The following BLTP1 variants were observed in gnomAD, a reference collection of about 807,000 sequenced individuals.
BLTP1 encodes the protein bridge-like lipid transfer protein family member 1.
the BLTP1 span, among the ~76,000 whole-genome samples, chr4:122,290,679 C>T: frequency 1.0e-4 from 15 of 143,526 alleles, no homozygotes; most frequent in East Asian, 1.7e-3. Flanking sequence ...CCCAGCTACT[C>T]GGGAGGCTGA....
chr4:122,294,124 C>T, the BLTP1 span, among the ~76,000 whole-genome samples: 1 of 152,164 alleles, frequency 6.6e-6, no homozygotes, highest in Non-Finnish European at 1.5e-5. Flanking sequence ...TGATCTCTCC[C>T]TGGGGGGTGG....
At chr4:122,237,233 T>G in the BLTP1 span, 1 of 985,430 alleles carries the variant, frequency 1.0e-6, no homozygotes, top group African/African-American at 1.7e-5. Context: ...AGGGGGAAGT[T>G]GAGCAAGAGT....
the BLTP1 span, chr4:122,168,016 G>A: frequency 1.3e-5 from 6 of 451,102 alleles, no homozygotes; most frequent in East Asian, 4.7e-4. Flanking sequence ...TGGATTCTGT[G>A]TCTAGTGTTG....
At chr4:122,182,532 C>A in the BLTP1 span, 1 of 479,414 alleles carries the variant, frequency 2.1e-6, no homozygotes, top group Non-Finnish European at 2.7e-6. Flanking sequence ...CTGAGCTCCC[C>A]TCCGCTCCAC....
chr4:122,169,771 T>G, the BLTP1 span: 2 of 984,846 alleles, frequency 2.0e-6, no homozygotes, highest in Non-Finnish European at 2.4e-6. Context: ...TACAGTGAAT[T>G]TTTCTTTATC....
the BLTP1 span, among the ~76,000 whole-genome samples, chr4:122,165,138 G>A: frequency 1.3e-5 from 2 of 151,684 alleles, no homozygotes; most frequent in African/African-American, 2.4e-5. Flanking sequence ...AGTTACATAC[G>A]TGTACATGTG....
the BLTP1 span, chr4:122,239,765 T>G: frequency 6.2e-7 from 1 of 1,614,044 alleles, no homozygotes; most frequent in Non-Finnish European, 8.5e-7. Context: ...AGAGGAGAAG[T>G]TTTGGTTCAT....
chr4:122,244,016 A>T, the BLTP1 span: 1 of 1,584,948 alleles, frequency 6.3e-7, no homozygotes, highest in East Asian at 2.3e-5. Context: ...TGGTGGCTGA[A>T]GCTTTAGACA....
At chr4:122,156,850 G>C in the BLTP1 span, among the ~76,000 whole-genome samples, 1 of 152,126 alleles carries the variant, frequency 6.6e-6, no homozygotes, top group African/African-American at 2.4e-5. Flanking sequence ...TCAGGTCAAG[G>C]GTACTTTAGG....
At chr4:122,246,912 G>A in the BLTP1 span, 2 of 1,502,916 alleles carry the variant, frequency 1.3e-6, no homozygotes, top group Non-Finnish European at 1.8e-6. Context: ...AGAATGTAAT[G>A]TTAAAACTCA....
the BLTP1 span, chr4:122,238,423 A>C: frequency 1.9e-5 from 24 of 1,261,544 alleles, no homozygotes; most frequent in Non-Finnish European, 2.7e-5. Flanking sequence ...GGCAAGAAAA[A>C]CTTCTTCCCT....
the BLTP1 span, among the ~76,000 whole-genome samples, chr4:122,164,974 GA>G: frequency 8.5e-5 from 13 of 152,210 alleles, no homozygotes; most frequent in East Asian, 2.5e-3. Context: ...GCATGAATTT[GA>G]ATATTGTCTT....
chr4:122,250,000 A>G, the BLTP1 span: 1 of 947,060 alleles, frequency 1.1e-6, no homozygotes, highest in South Asian at 4.9e-5. Context: ...TTTGGTCAGT[A>G]GAATTATGCC....
At chr4:122,294,043 C>A in the BLTP1 span, among the ~76,000 whole-genome samples, 1 of 152,200 alleles carries the variant, frequency 6.6e-6, no homozygotes, top group Non-Finnish European at 1.5e-5. Flanking sequence ...TCCCTCCTCA[C>A]TGGGCAGGGC....
At chr4:122,255,008 C>A in the BLTP1 span, 3 of 1,502,192 alleles carry the variant, frequency 2.0e-6, no homozygotes, top group Non-Finnish European at 1.8e-6. Context: ...TTGAAAATGA[C>A]CCCTTATTGT....
the BLTP1 span, chr4:122,255,240 A>G: frequency 1.4e-5 from 22 of 1,612,102 alleles, no homozygotes; most frequent in Non-Finnish European, 1.8e-5. Flanking sequence ...CTACACCACT[A>G]TCTGCACCAG....
At chr4:122,270,444 A>G in the BLTP1 span, 4 of 632,918 alleles carry the variant, frequency 6.3e-6, no homozygotes, top group African/African-American at 2.0e-5. Context: ...AAAATTTACT[A>G]TAATAGTCTT....
the BLTP1 span, among the ~76,000 whole-genome samples, chr4:122,340,225 A>G: frequency 2.0e-5 from 3 of 152,144 alleles, no homozygotes; most frequent in African/African-American, 7.2e-5. Flanking sequence ...TAAACATTCT[A>G]TAGTATATAT....
the BLTP1 span, among the ~76,000 whole-genome samples, chr4:122,219,940 T>C: frequency 3.9e-5 from 6 of 152,184 alleles, no homozygotes; most frequent in African/African-American, 1.4e-4. Context: ...GGACCTGTTA[T>C]AAAATGGAGT....
Sources: allele counts gnomAD v4.1 joint callset (sites outside exome capture counted in the v4.1 genomes callset), GRCh38; gene constraint gnomAD v4.1.1; transcripts MANE v1.5; gene names NCBI Gene and HGNC (gene_info 2026-07-23, HGNC 2026-07-21).